Variants in CTNNA3 observed in about 807,000 individuals in gnomAD.
CTNNA3 encodes catenin alpha 3.
A neutral mutation model predicts 95.7 loss-of-function variants in CTNNA3; 76 were observed. The ratio of observed to expected loss-of-function variants is 0.79; its 90% CI spans 0.66 to 0.96. The LOEUF (loss-of-function observed/expected upper bound fraction) is 0.96, where lower values mean the gene tolerates loss of function less well. Among genes scored for constraint, CTNNA3 ranks in the 40% least tolerant of loss-of-function variants. The probability of loss-of-function intolerance (pLI) is 0.00; values close to 1 mark genes in which losing one functional copy is unlikely to be tolerated. For synonymous variants in CTNNA3, 431 were observed against 374.4 expected (o/e 1.15, Z -1.74); for missense variants, 1,191 against 1,089.8 (o/e 1.09, Z -1.31).
chr10:66,479,479 C>T (rs910593853), intron 11 of CTNNA3, among the ~76,000 whole-genome samples: 1 of 151,840 alleles, frequency 6.6e-6, no homozygotes, highest in African/African-American at 2.4e-5. Flanking sequence ...TAAATCAATA[C>T]ACAAATTTTT....
chr10:67,260,683 G>GTTTTTTTTTTT (rs11363504), intron 5 of CTNNA3, among the ~76,000 whole-genome samples: 1 of 147,960 alleles, frequency 6.8e-6, no homozygotes, highest in Non-Finnish European at 1.5e-5. Flanking sequence ...TTGTTTTTTT[G>GTTTTTTTTTTT]TTTTTTTTTT....
At chr10:66,427,324 T>C (rs2093251200) in intron 11 of CTNNA3, among the ~76,000 whole-genome samples, 1 of 152,060 alleles carries the variant, frequency 6.6e-6, no homozygotes, top group Non-Finnish European at 1.5e-5. Context: ...AACTTTTTTT[T>C]TTGTATTTCT....
intron 11 of CTNNA3, among the ~76,000 whole-genome samples, chr10:66,429,016 T>C (rs1449852231): frequency 1.3e-5 from 2 of 151,076 alleles, no homozygotes; most frequent in Admixed American, 6.6e-5. Flanking sequence ...GCAAGACTAA[T>C]AAAGAAGAAA....
rs551097055 is a variant in CTNNA3 at position 66,542,410 on chromosome 10, A to C, written c.1375-21637T>G. Among the ~76,000 whole-genome samples the C allele has an allele frequency of 9.9e-5, 15 of 152,252 alleles. No homozygotes were observed. The East Asian group carries it at 2.7e-3, about 27-fold the overall frequency. ...CTGGGTATATACCCAAAGGAATATA[A>C]ATCATGCTGCTGTAAAGACGCATCC... On this transcript the variant is annotated intron_variant, in intron 10 of 17. Coordinates refer to ENST00000433211, the MANE Select transcript of CTNNA3 (RefSeq NM_013266.4).
intron 11 of CTNNA3, among the ~76,000 whole-genome samples, chr10:66,466,624 TTC>T (rs897046687): frequency 1.3e-5 from 2 of 152,046 alleles, no homozygotes; most frequent in African/African-American, 4.8e-5. Flanking sequence ...TGGAATTTCC[TTC>T]CCCAGCAAGA....
chr10:66,501,493 C>T (rs1431407937), intron 11 of CTNNA3, among the ~76,000 whole-genome samples: 2 of 152,074 alleles, frequency 1.3e-5, no homozygotes, highest in Non-Finnish European at 2.9e-5. Context: ...AGGCTTTATC[C>T]ACCATTTCAT....
intron 15 of CTNNA3, among the ~76,000 whole-genome samples, chr10:66,053,394 G>C (rs1436829771): frequency 1.3e-5 from 2 of 151,636 alleles, no homozygotes; most frequent in Admixed American, 6.6e-5. Context: ...GTACATAGTA[G>C]ATGTGTATAT....
intron 1 of CTNNA3, among the ~76,000 whole-genome samples, chr10:67,727,204 C>A: frequency 8.3e-6 from 1 of 120,952 alleles, no homozygotes. Context: ...TGTATATATA[C>A]CTATATGTAT....
intron 15 of CTNNA3, among the ~76,000 whole-genome samples, chr10:66,047,613 T>C (rs1270389483): frequency 2.0e-5 from 3 of 152,092 alleles, no homozygotes; most frequent in Non-Finnish European, 4.4e-5. Flanking sequence ...CAAAATAGTA[T>C]TGAAAGTCAT....
intron 7 of CTNNA3, among the ~76,000 whole-genome samples, chr10:66,841,697 A>C (rs1023963623): frequency 2.6e-5 from 4 of 152,202 alleles, no homozygotes; most frequent in African/African-American, 9.6e-5. Context: ...TTCTCTATGT[A>C]ATGAGTGAAT....
intron 11 of CTNNA3, among the ~76,000 whole-genome samples, chr10:66,388,741 GAGA>G (rs1405906926): frequency 6.6e-6 from 1 of 152,110 alleles, no homozygotes; most frequent in East Asian, 1.9e-4. Context: ...AAGAATATTA[GAGA>G]AGATGTGTAA....
intron 17 of CTNNA3, among the ~76,000 whole-genome samples, chr10:65,936,755 G>C (rs1341370878): frequency 6.6e-6 from 1 of 151,944 alleles, no homozygotes; most frequent in Non-Finnish European, 1.5e-5. Flanking sequence ...AGTGACCATG[G>C]ATGATTTATT....
intron 15 of CTNNA3, among the ~76,000 whole-genome samples, chr10:66,023,491 C>G (rs1238445322): frequency 2.0e-5 from 3 of 152,056 alleles, no homozygotes; most frequent in African/African-American, 7.3e-5. Flanking sequence ...AGCACCTGGT[C>G]TCTCTATTTC....
chr10:66,787,259 C>T (rs1840785269), intron 7 of CTNNA3, among the ~76,000 whole-genome samples: 1 of 151,734 alleles, frequency 6.6e-6, no homozygotes, highest in African/African-American at 2.4e-5. Context: ...TCGATCAGAT[C>T]TGATCACTAT....
Position 66,727,370 on chromosome 10 carries a change from A to G in CTNNA3, c.1281+38894T>C, listed in dbSNP as rs545436768. On this transcript the variant is annotated intron_variant, in intron 9 of 17. Transcript: ENST00000433211. The stretch of plus-strand genomic sequence containing the variant: ...TGAAAAATTAGTCTAGCTCCCTATT[A>G]AAGTATATAGTTTATTACTCTTTTA... Among the ~76,000 whole-genome samples, 3 of 152,232 alleles carry G rather than the reference A, an allele frequency of 2.0e-5. No individual in the cohort carries two copies. The East Asian group carries it at 5.8e-4, about 29-fold the overall frequency.
rs545233258 is a variant in CTNNA3, at chr10:66,281,733, T to C, written c.1733-1112A>G. Among the ~76,000 whole-genome samples, 6 of 151,912 alleles carry C rather than the reference T, an allele frequency of 3.9e-5. No homozygotes were observed. In the South Asian group the frequency reaches 1.0e-3, roughly 26 times the overall value. On this transcript the variant is annotated intron_variant, in intron 12 of 17. Coordinates refer to ENST00000433211, the MANE Select transcript of CTNNA3 (RefSeq NM_013266.4). The stretch of plus-strand genomic sequence containing the variant: ...TACATTTAAGTTGTATCTGCTTGTA[T>C]GGCATACCATCTCTTGCAATTCTGC...
At chr10:66,426,831 T>G (rs1044201856) in intron 11 of CTNNA3, among the ~76,000 whole-genome samples, 2 of 151,982 alleles carry the variant, frequency 1.3e-5, no homozygotes, top group Non-Finnish European at 2.9e-5. Context: ...AAAATGCTTA[T>G]TCTTTGTGGG....
At chr10:67,008,188 T>G (rs967465442) in intron 7 of CTNNA3, among the ~76,000 whole-genome samples, 2 of 152,086 alleles carry the variant, frequency 1.3e-5, no homozygotes, top group East Asian at 3.9e-4. Context: ...AACTTATGCT[T>G]TAAAAAGTTG....
chr10:67,703,746 A>G (rs977302996), intron 1 of CTNNA3, among the ~76,000 whole-genome samples: 2 of 152,210 alleles, frequency 1.3e-5, no homozygotes, highest in Non-Finnish European at 2.9e-5. Flanking sequence ...CACCACTGCT[A>G]TTCAACATAG....
Sources: allele counts gnomAD v4.1 joint callset (sites outside exome capture counted in the v4.1 genomes callset), GRCh38; gene constraint gnomAD v4.1.1; transcripts MANE v1.5; gene names NCBI Gene and HGNC (gene_info 2026-07-23, HGNC 2026-07-21).